UBR3: variants seen among roughly 807,000 people sequenced by gnomAD.
The protein encoded by UBR3 is E3 ubiquitin-protein ligase UBR3.
In UBR3, 85 loss-of-function variants were observed where a neutral mutation model predicts 243.2. That is an observed-to-expected ratio of 0.35 (90% CI 0.29 to 0.42). The LOEUF (loss-of-function observed/expected upper bound fraction) is 0.42, where lower values mean the gene tolerates loss of function less well. UBR3 is among the 10% of genes least tolerant of loss of function. The pLI is 1.00. For missense variants in UBR3, 1,686 were observed against 2,300.8 expected (o/e 0.73, Z 5.47); for synonymous variants, 748 against 799.8 (o/e 0.94, Z 1.09).
Position 170,061,176 on chromosome 2 carries a change from A to G in UBR3, c.4883A>G (p.Glu1628Gly). 6.3e-7 allele frequency: 1 copy of G among 1,595,234 alleles called. No individual in the cohort carries two copies. Among genetic ancestry groups the G allele is most frequent in the Non-Finnish European group, 8.5e-7 (1 of 1,174,434 alleles). Residue 1628 changes from glutamate (E) to glycine (G), a missense_variant, in exon 34 of 39, where the codon GAA becomes GGA. Physicochemically the swap from Glu to Gly is moderately conservative, Grantham distance 98. Coordinates refer to ENST00000272793, the MANE Select transcript of UBR3 (RefSeq NM_172070.4). ...GKLYHEEGTQECAMVNPIAWS... is the reference protein window; with the variant it reads ...GKLYHEEGTQGCAMVNPIAWS... ...TTATACCATGAAGAAGGAACTCAGG[A>G]ATGTGCAATGGTATGTTTCTGCAAA...
intron 1 of UBR3, among the ~76,000 whole-genome samples, chr2:169,841,783 G>A (rs925328047): frequency 2.0e-5 from 3 of 152,240 alleles, no homozygotes; most frequent in African/African-American, 7.2e-5. Flanking sequence ...GGCAGGGCTC[G>A]GGACCTGCAG....
chr2:170,043,648 TTAA>T (rs1471461283), intron 32 of UBR3, among the ~76,000 whole-genome samples: 1 of 152,054 alleles, frequency 6.6e-6, no homozygotes, highest in Non-Finnish European at 1.5e-5. Context: ...CAAGAAATAC[TTAA>T]TAAGTACCTA....
chr2:170,062,405 TTAAG>T (rs774775729), intron 35 of UBR3, among the ~76,000 whole-genome samples: 229 of 152,318 alleles, frequency 1.5e-3, no homozygotes, highest in Non-Finnish European at 2.0e-3. Flanking sequence ...TCCCTTTTTC[TTAAG>T]TAATTCACCA....
At chr2:169,927,935 A>C (rs962460298) in intron 17 of UBR3, among the ~76,000 whole-genome samples, 1 of 152,246 alleles carries the variant, frequency 6.6e-6, no homozygotes, top group Admixed American at 6.5e-5. Context: ...GAATCTGATT[A>C]TCTTTTTAAG....
chr2:170,068,428 A>T (rs2091625251), intron 35 of UBR3, among the ~76,000 whole-genome samples: 1 of 152,184 alleles, frequency 6.6e-6, no homozygotes, highest in African/African-American at 2.4e-5. Context: ...AGATTGTGCC[A>T]CTACACTCCA....
At chr2:169,846,766 C>T (rs1279605274) in intron 1 of UBR3, among the ~76,000 whole-genome samples, 1 of 152,076 alleles carries the variant, frequency 6.6e-6, no homozygotes, top group Admixed American at 6.6e-5. Context: ...AGCATCTCAC[C>T]CTGTCATTCA....
At chr2:169,919,092 C>T (rs1221821167) in intron 11 of UBR3, among the ~76,000 whole-genome samples, 1 of 152,082 alleles carries the variant, frequency 6.6e-6, no homozygotes, top group Non-Finnish European at 1.5e-5. Context: ...GCATTTGCGG[C>T]AGGGGGAATA....
chr2:169,877,865 C>G (rs1193920047), intron 4 of UBR3, among the ~76,000 whole-genome samples: 2 of 152,190 alleles, frequency 1.3e-5, no homozygotes, highest in African/African-American at 2.4e-5. Flanking sequence ...TATTAAGGTT[C>G]TGGTTCTAAC....
intron 17 of UBR3, 142 bp from the exon 18 acceptor site, chr2:169,928,585 T>C (rs1218562879): frequency 3.1e-5 from 16 of 511,338 alleles, no homozygotes; most frequent in Admixed American, 2.8e-4. Context: ...TGTTGTATTA[T>C]ATAGCCCTCT....
chr2:169,944,266 T>G (rs879410815), intron 20 of UBR3, among the ~76,000 whole-genome samples: 8 of 152,170 alleles, frequency 5.3e-5, no homozygotes, highest in Non-Finnish European at 1.2e-4. Context: ...TTCTCCTTTT[T>G]CAGATATGAA....
At chr2:169,911,720 A>G (rs1292637292) in intron 10 of UBR3, among the ~76,000 whole-genome samples, 1 of 152,144 alleles carries the variant, frequency 6.6e-6, no homozygotes, top group African/African-American at 2.4e-5. Context: ...AGAGCATGTA[A>G]TGGTACCTCA....
chr2:170,073,293 C>CT (rs1376707070), intron 35 of UBR3, 135 bp from the exon 36 acceptor site: 8 of 923,550 alleles, frequency 8.7e-6, no homozygotes, highest in Non-Finnish European at 1.3e-5. Context: ...CTCTTACTCC[C>CT]TTCACTTTTT....
chr2:169,992,133 A>G (rs1260029660), intron 25 of UBR3, among the ~76,000 whole-genome samples: 1 of 152,228 alleles, frequency 6.6e-6, no homozygotes, highest in Non-Finnish European at 1.5e-5. Flanking sequence ...TACTATGACC[A>G]ATTTATGCCA....
Position 169,847,079 on chromosome 2 carries a change from CTGTG to C in UBR3, c.545+19070_545+19073del, listed in dbSNP as rs769261518. 1.2e-3 allele frequency among the ~76,000 whole-genome samples: 143 copies of C among 123,812 alleles called. 1 individual carries two copies. The highest frequency in any genetic ancestry group is 4.2e-3 in the African/African-American group (136 of 32,620). The allele number at this position is 123,812 out of a possible 152,430, so 81.2% of individuals were successfully genotyped here. A position where few individuals can be genotyped will look rare whatever the true frequency, so the allele number is the denominator to read the frequency against. The stretch of plus-strand genomic sequence containing the variant: ...TAAACTGTTGGTGTCTTTTCTTAAA[CTGTG>C]TGTGTGTGTGTGTGTGTGTGTGTGT... On this transcript the variant is annotated intron_variant, in intron 1 of 38. Transcript: ENST00000272793.
intron 1 of UBR3, among the ~76,000 whole-genome samples, chr2:169,828,291 G>A (rs2081812173): frequency 6.6e-6 from 1 of 152,152 alleles, no homozygotes; most frequent in African/African-American, 2.4e-5. Context: ...TTTTGGGGAA[G>A]CCAGGGTGGG....
intron 32 of UBR3, among the ~76,000 whole-genome samples, chr2:170,054,958 T>C (rs1044291324): frequency 2.0e-5 from 3 of 152,124 alleles, no homozygotes; most frequent in African/African-American, 7.2e-5. Flanking sequence ...TTTGGATGAA[T>C]AGAGGAATTT....
intron 19 of UBR3, among the ~76,000 whole-genome samples, chr2:169,940,809 C>G (rs2086553704): frequency 6.6e-6 from 1 of 152,088 alleles, no homozygotes; most frequent in African/African-American, 2.4e-5. Flanking sequence ...TTTCAGTTAC[C>G]TGTAGCCAAT....
intron 24 of UBR3, among the ~76,000 whole-genome samples, chr2:169,967,588 T>C (rs2087881614): frequency 6.6e-6 from 1 of 152,044 alleles, no homozygotes; most frequent in Admixed American, 6.6e-5. Flanking sequence ...AGGCCTGTTG[T>C]TTGTTATCAG....
chr2:169,859,374 A>G (rs1391375131), intron 1 of UBR3, among the ~76,000 whole-genome samples: 1 of 152,030 alleles, frequency 6.6e-6, no homozygotes, highest in Non-Finnish European at 1.5e-5. Flanking sequence ...CCTGGCCCTC[A>G]GCATGGCTCT....
Sources: gnomAD v4.1 joint callset for allele counts (sites outside exome capture counted in the v4.1 genomes callset) on GRCh38, gnomAD v4.1.1 for gene constraint, MANE v1.5 for transcripts, NCBI Gene and HGNC (gene_info 2026-07-23, HGNC 2026-07-21) for gene names.